AXDND1: variants seen among roughly 807,000 people sequenced by gnomAD.
AXDND1 encodes axonemal dynein light chain domain containing 1.
Under a neutral mutation model 137.5 loss-of-function variants are expected in AXDND1, and 110 were observed. The observed-to-expected ratio is 0.80, with a 90% CI of 0.69 to 0.94. AXDND1 has a LOEUF of 0.94. Ranked by LOEUF, AXDND1 falls within the 40% of genes least tolerant of loss-of-function variation. The pLI is 0.00. For synonymous variants in AXDND1, 414 were observed against 399.7 expected, an observed-to-expected ratio of 1.04 and a Z score of -0.43; for missense variants, 1,191 against 1,169.8, an observed-to-expected ratio of 1.02 and a Z score of -0.26.
chr1:179,509,390 G>A lies in AXDND1; in HGVS notation c.2483G>A (p.Arg828Gln), dbSNP rs202143471. 285 of 1,604,070 alleles carry A rather than the reference G, an allele frequency of 1.8e-4. 1 individual carries two copies. The highest frequency in any genetic ancestry group is 2.7e-4 in the East Asian group (12 of 44,768). Residue 828 changes from arginine to glutamine, a missense_variant, in exon 21 of 26, where the codon CGG (arginine) becomes CAG (glutamine). Coordinates refer to ENST00000367618, the MANE Select transcript of AXDND1 (RefSeq NM_144696.6). ...TTATTGACATATGAAGAAATAGAGC[G>A]GCTACTTGAAGAGGTATTTGCCACA... ...ITLLTYEEIE[R>Q]LLEEEAVKEF...
intron 16 of AXDND1, chr1:179,448,958 C>T (rs938590755): frequency 1.4e-5 from 4 of 283,144 alleles, no homozygotes; most frequent in African/African-American, 7.0e-5. Flanking sequence ...ATGATCTTGT[C>T]TCATTGCAGT....
chr1:179,416,728 GGTTGCTTTTGT>G (rs1412355104), intron 12 of AXDND1, among the ~76,000 whole-genome samples: 1 of 152,086 alleles, frequency 6.6e-6, no homozygotes, highest in East Asian at 1.9e-4. Context: ...TGTTCTGGAG[GGTTGCTTTTGT>G]GTTGCACAAA....
chr1:179,486,119 C>CAAAAAAA (rs1173009992), intron 18 of AXDND1, among the ~76,000 whole-genome samples: 1 of 22,662 alleles, frequency 4.4e-5, no homozygotes, highest in Non-Finnish European at 9.6e-5. Context: ...AACTCTGTCT[C>CAAAAAAA]AAAAAAAAAA....
chr1:179,511,338 TAC>T (rs60921083), intron 21 of AXDND1, among the ~76,000 whole-genome samples: 1 of 150,232 alleles, frequency 6.7e-6, no homozygotes, highest in African/African-American at 2.4e-5. Context: ...TATATATATA[TAC>T]ACACACTACC....
At chr1:179,491,791 CA>C (rs1270760440) in intron 19 of AXDND1, 54 bp downstream of exon 19, 1 of 1,406,936 alleles carries the variant, frequency 7.1e-7, no homozygotes, top group African/African-American at 1.5e-5. Flanking sequence ...TCGCATATAA[CA>C]GAGAAGAGAC....
intron 15 of AXDND1, 122 bp downstream of exon 15, chr1:179,432,464 C>A: frequency 7.6e-7 from 1 of 1,323,610 alleles, no homozygotes. Context: ...CACTCACTGT[C>A]GCCCAGGCTG....
intron 15 of AXDND1, among the ~76,000 whole-genome samples, chr1:179,432,564 T>TACAA (rs1220296181): frequency 2.0e-5 from 3 of 152,184 alleles, no homozygotes; most frequent in Admixed American, 6.5e-5. Flanking sequence ...TAGCTAGGAT[T>TACAA]ACAGGCATGT....
At chr1:179,467,719 A>G (rs1663396460) in intron 16 of AXDND1, among the ~76,000 whole-genome samples, 2 of 152,206 alleles carry the variant, frequency 1.3e-5, no homozygotes, top group South Asian at 4.1e-4. Flanking sequence ...AATGGTGGTG[A>G]AATTAGCAGA....
chr1:179,429,843 T>C (rs1222819900), intron 13 of AXDND1, among the ~76,000 whole-genome samples: 1 of 151,400 alleles, frequency 6.6e-6, no homozygotes, highest in East Asian at 1.9e-4. Context: ...CACTACAAGG[T>C]TACTCATACA....
chr1:179,484,878 C>T (rs531879338), intron 18 of AXDND1, among the ~76,000 whole-genome samples: 1 of 152,320 alleles, frequency 6.6e-6, no homozygotes, highest in East Asian at 1.9e-4. Flanking sequence ...ACTGCCATTG[C>T]CATTGGAGTG....
intron 16 of AXDND1, among the ~76,000 whole-genome samples, chr1:179,457,990 C>CTTTTTTTTTTTTTTTTTTTTTTTTTTT: frequency 6.9e-6 from 1 of 145,546 alleles, no homozygotes; most frequent in African/African-American, 2.6e-5. Flanking sequence ...CTTTCCTTCT[C>CTTTTTTTTTTTTTTTTTTTTTTTTTTT]TTTTTTTTTT....
At chr1:179,366,816 A>T (rs1667465465) in intron 2 of AXDND1, among the ~76,000 whole-genome samples, 1 of 152,070 alleles carries the variant, frequency 6.6e-6, no homozygotes, top group South Asian at 2.1e-4. Context: ...TACAGTTTAT[A>T]CTTTTTTTCA....
chr1:179,377,634 T>C (rs1647495326), intron 4 of AXDND1, among the ~76,000 whole-genome samples: 1 of 152,192 alleles, frequency 6.6e-6, no homozygotes. Context: ...TTGAAATAAT[T>C]TAAAGACTCA....
intron 25 of AXDND1, among the ~76,000 whole-genome samples, chr1:179,539,144 A>C (rs1324432126): frequency 6.6e-6 from 1 of 151,990 alleles, no homozygotes; most frequent in Admixed American, 6.6e-5. Flanking sequence ...TCTTTATCCA[A>C]TTTGCCAGTC....
intron 14 of AXDND1, among the ~76,000 whole-genome samples, chr1:179,431,740 T>C (rs1444498024): frequency 6.6e-6 from 1 of 152,118 alleles, no homozygotes; most frequent in Non-Finnish European, 1.5e-5. Context: ...CGTGTACCCA[T>C]TTCTATTGTT....
intron 16 of AXDND1, among the ~76,000 whole-genome samples, chr1:179,464,019 A>C (rs1210897430): frequency 6.6e-6 from 1 of 152,084 alleles, no homozygotes; most frequent in East Asian, 1.9e-4. Context: ...GTCTCTGAAC[A>C]TGAGATTGGT....
intron 12 of AXDND1, among the ~76,000 whole-genome samples, chr1:179,412,258 A>T (rs1654012248): frequency 1.3e-5 from 2 of 152,204 alleles, no homozygotes; most frequent in African/African-American, 2.4e-5. Context: ...AAGTCACACA[A>T]TATTCTATAT....
chr1:179,488,664 TTTCTTTCTTTC>T (rs1666445860), intron 18 of AXDND1, among the ~76,000 whole-genome samples: 1 of 136,402 alleles, frequency 7.3e-6, no homozygotes, highest in Admixed American at 7.1e-5. Flanking sequence ...TCTTTCTTTC[TTTCTTTCTTTC>T]TTTCTTTCTT....
chr1:179,511,618 G>GT (rs1250896231), intron 21 of AXDND1, among the ~76,000 whole-genome samples: 1 of 152,100 alleles, frequency 6.6e-6, no homozygotes, highest in East Asian at 1.9e-4. Context: ...TCTACTTTTA[G>GT]TTCTTTAAGG....
Sources: allele counts gnomAD v4.1 joint callset (sites outside exome capture counted in the v4.1 genomes callset), GRCh38; gene constraint gnomAD v4.1.1; transcripts MANE v1.5; gene names NCBI Gene and HGNC (gene_info 2026-07-23, HGNC 2026-07-21).